The following FANCA variants were observed in gnomAD, a reference collection of about 807,000 sequenced individuals.
FANCA encodes Fanconi anemia group A protein.
In FANCA, 236 loss-of-function variants were observed where a neutral mutation model predicts 194.3. The observed-to-expected ratio is 1.21, with a 90% CI of 1.09 to 1.35. The LOEUF is 1.35. FANCA is among the 40% of genes most tolerant of loss of function. FANCA has a pLI of 0.00. For synonymous variants in FANCA, 1,014 were observed against 715.8 expected (o/e 1.42, Z -6.65); for missense variants, 2,628 against 1,813.9 (o/e 1.45, Z -8.15).
rs1382340096 is a variant in FANCA at position 89,740,810 on chromosome 16, G to A, written c.3822C>T (p.Thr1274=). The part of the protein sequence containing the change: ...SLMGLLSSHL[T]SNSTTDLPKA... ...CTGGTAAGGTCTGACTTACATTTGA[G>A]GTCAGATGTGACGACAGCAGGCCCA... Residue 1274 remains threonine (T), a synonymous_variant, in exon 38 of 43, where the codon ACC becomes ACT. Transcript: ENST00000389301. 4.4e-5 allele frequency: 71 copies of A among 1,613,182 alleles called. No individual in the cohort carries two copies. Among genetic ancestry groups the A allele is most frequent in the Non-Finnish European group, 5.7e-5 (67 of 1,179,556 alleles).
chr16:89,795,858 C>T (rs368910638), intron 11 of FANCA, 48 bp downstream of exon 11: 14 of 1,398,318 alleles, frequency 1.0e-5, no homozygotes, highest in Non-Finnish European at 1.2e-5. Context: ...AAGGCAACAG[C>T]AATCCCCAAA....
rs56659330 is a variant in FANCA, at chr16:89,761,420, G to GAAAA, written c.2852+525_2852+528dup. On this transcript the variant is annotated intron_variant, in intron 29 of 42. Transcript: ENST00000389301. ...GGTGACAGAGCAAGACTCTGTCTCA[G>GAAAA]AAAAAAAAAAAAAAAAAGAAAAACA... 1.0e-3 allele frequency among the ~76,000 whole-genome samples: 96 copies of GAAAA among 95,694 alleles called. No individual in the cohort carries two copies. The Admixed American group carries it at 0.01, about 10-fold the overall frequency. The allele number at this position is 95,694 out of a possible 152,430, so 62.8% of individuals were successfully genotyped here.
rs2143730844 is a variant in FANCA, at chr16:89,816,545, T to A, written c.71A>T (p.Glu24Val). Reference protein sequence around the residue: ...DPGGRRRAWAELLAGRVKREK... With the variant: ...DPGGRRRAWAVLLAGRVKREK... Reference sequence around the variant, plus strand: ...CTGCCGCGCCCACCTACCCAGCAGCTCGGCCCAGGCCCTCCGGCGGCCCCC... The same window carrying A: ...CTGCCGCGCCCACCTACCCAGCAGCACGGCCCAGGCCCTCCGGCGGCCCCC... The change falls in exon 1 of 43, where the codon GAG becomes GTG. Residue 24 changes from glutamate to valine, a missense_variant. By Grantham distance (121) the Glu-to-Val change is moderately radical. Transcript: ENST00000389301. The A allele has an allele frequency of 1.3e-6, 2 of 1,499,032 alleles. No individual in the cohort carries two copies. Among genetic ancestry groups the A allele is most frequent in the South Asian group, 2.5e-5 (2 of 80,666 alleles). The allele number at this position is 1,499,032 out of a possible 1,614,324, so 92.9% of individuals were successfully genotyped here. A position where few individuals can be genotyped will look rare whatever the true frequency, so the allele number is the denominator to read the frequency against.
At chr16:89,795,804 G>T in intron 11 of FANCA, 102 bp downstream of exon 11, 1 of 825,258 alleles carries the variant, frequency 1.2e-6, no homozygotes. Context: ...CGTAAAAGAG[G>T]TCCTAGAATT....
rs990224397 is a variant in FANCA, at chr16:89,785,048, G to A, written c.1360-84C>T. The A allele has an allele frequency of 3.6e-5, 35 of 974,360 alleles. 1 individual carries two copies. Among genetic ancestry groups the A allele is most frequent in the African/African-American group, 6.4e-5 (4 of 62,464 alleles). 60.4% of individuals were successfully genotyped at this position (974,360 alleles called of 1,614,324 possible). A position where few individuals can be genotyped will look rare whatever the true frequency, so the allele number is the denominator to read the frequency against. ...CAGTGTCCTGTGTGGAGAGAAGAGC[G>A]TGAAGCCCAGGACAGCCAGGCGCAG... On this transcript the variant is annotated intron_variant, in intron 14 of 42. Transcript: ENST00000389301.
chr16:89,779,721 C>A, intron 18 of FANCA, 148 bp downstream of exon 18: 2 of 736,202 alleles, frequency 2.7e-6, no homozygotes, highest in South Asian at 3.0e-5. Flanking sequence ...ATGGGACACA[C>A]TCCAAAGAGC....
intron 20 of FANCA, among the ~76,000 whole-genome samples, chr16:89,776,233 T>C (rs1598121974): frequency 6.9e-6 from 1 of 143,960 alleles, no homozygotes; most frequent in African/African-American, 2.5e-5. Flanking sequence ...AGTGGTGCGA[T>C]CTCGGCTCAC....
intron 8 of FANCA, among the ~76,000 whole-genome samples, chr16:89,800,088 G>A (rs1482511322): frequency 6.6e-6 from 1 of 152,252 alleles, no homozygotes; most frequent in Non-Finnish European, 1.5e-5. Flanking sequence ...GACCTAGACA[G>A]AGTGAAAAGG....
intron 2 of FANCA, 148 bp downstream of exon 2, chr16:89,815,729 A>G (rs1567658910): frequency 1.4e-6 from 1 of 723,850 alleles, no homozygotes. Context: ...GTTGGTCCAG[A>G]ACTCCCGGGC....
intron 40 of FANCA, 73 bp from the exon 41 acceptor site, chr16:89,739,362 C>G (rs1161524655): frequency 6.3e-7 from 1 of 1,599,022 alleles, no homozygotes; most frequent in African/African-American, 1.3e-5. Flanking sequence ...AGGGATACTG[C>G]TCATCTGTGG....
In FANCA at chr16:89,803,155, G is replaced by C. The variant is rs2040515644; in HGVS notation, c.792+104C>G. 7.2e-6 allele frequency: 8 copies of C among 1,109,800 alleles called. No homozygotes were observed. The Admixed American group carries it at 1.2e-4, about 16-fold the overall frequency. 68.7% of individuals were successfully genotyped at this position (1,109,800 alleles called of 1,614,324 possible). A position where few individuals can be genotyped will look rare whatever the true frequency, so the allele number is the denominator to read the frequency against. ...AAGTATCACATGTACCCCGTAAATA[G>C]GTACAAACAGCACGTTTCAATAGAG... is the stretch of plus-strand genomic sequence containing the variant. On this transcript the variant is annotated intron_variant, in intron 8 of 42. Coordinates refer to ENST00000389301, the MANE Select transcript of FANCA (RefSeq NM_000135.4).
At chr16:89,759,748 G>A (rs1052799403) in intron 29 of FANCA, among the ~76,000 whole-genome samples, 3 of 152,218 alleles carry the variant, frequency 2.0e-5, no homozygotes, top group African/African-American at 7.2e-5. Context: ...CCAACAGAGT[G>A]AGACCCTGTC....
chr16:89,816,049 A>T, intron 1 of FANCA, 63 bp from the exon 2 acceptor site: 1 of 1,281,756 alleles, frequency 7.8e-7, no homozygotes, highest in Non-Finnish European at 1.1e-6. Flanking sequence ...CCCCGGCCCG[A>T]CGCGCAGGTG....
Position 89,816,577 on chromosome 16 carries a change from C to A in FANCA, c.39G>T (p.Gln13His). 2.0e-6 allele frequency: 3 copies of A among 1,524,684 alleles called. No homozygotes were observed. The highest frequency in any genetic ancestry group is 2.6e-6 in the Non-Finnish European group (3 of 1,144,128). The allele number at this position is 1,524,684 out of a possible 1,614,324, so 94.4% of individuals were successfully genotyped here. The change falls in exon 1 of 43, where the codon CAG becomes CAT. Residue 13 changes from glutamine (Q) to histidine (H), a missense_variant. By Grantham distance (24) the Gln-to-His change is conservative (BLOSUM62 0). Coordinates refer to ENST00000389301, the MANE Select transcript of FANCA (RefSeq NM_000135.4). ...DSWVPNSASG[Q>H]DPGGRRRAWA... ...AGGCCCTCCGGCGGCCCCCTGGGTC[C>A]TGGCCCGAGGCGGAGTTCGGGACCC...
chr16:89,752,137 C>A lies in FANCA; in HGVS notation c.3066+1G>T, dbSNP rs587783028. The A allele has an allele frequency of 3.7e-6, 6 of 1,613,898 alleles. No individual in the cohort carries two copies. Among genetic ancestry groups the A allele is most frequent in the Non-Finnish European group, 4.2e-6 (5 of 1,179,802 alleles). ...CTGAGTTGTGGCACCCTCAAACTCA[C>A]CTGCAATCTGGAAATAATATCCTCA... On this transcript the variant is annotated splice_donor_variant, in intron 31 of 42. Transcript: ENST00000389301. LOFTEE classifies it high-confidence loss of function.
In FANCA at chr16:89,815,863, C is replaced by T. The variant is rs543001030; in HGVS notation, c.189+14G>A. ...CCTAAATCTGCCCGCAGACGGACAC[C>T]AGCTTCCTCTTACCTCAAGCAAAAG... On this transcript the variant is annotated intron_variant, in intron 2 of 42. Coordinates refer to ENST00000389301, the MANE Select transcript of FANCA (RefSeq NM_000135.4). 2 of 1,593,342 alleles carry T rather than the reference C, an allele frequency of 1.3e-6. No homozygotes were observed. The highest frequency in any genetic ancestry group is 3.3e-5 in the Admixed American group (2 of 59,994).
At chr16:89,814,081 A>C (rs1220727579) in intron 3 of FANCA, among the ~76,000 whole-genome samples, 2 of 152,212 alleles carry the variant, frequency 1.3e-5, no homozygotes, top group Non-Finnish European at 2.9e-5. Context: ...TCATCACATA[A>C]GGACGTGAAG....
At chr16:89,770,990 C>T (rs1191263717) in intron 23 of FANCA, among the ~76,000 whole-genome samples, 1 of 152,018 alleles carries the variant, frequency 6.6e-6, no homozygotes, top group African/African-American at 2.4e-5. Flanking sequence ...CATGATGAAA[C>T]CCTGTCTTTA....
chr16:89,815,377 C>G (rs1298518920), intron 2 of FANCA, among the ~76,000 whole-genome samples: 1 of 107,772 alleles, frequency 9.3e-6, no homozygotes, highest in Non-Finnish European at 1.7e-5. Context: ...GTGAGACAGT[C>G]TCACTCTGTA....
Sources: allele counts gnomAD v4.1 joint callset (sites outside exome capture counted in the v4.1 genomes callset), GRCh38; gene constraint gnomAD v4.1.1; transcripts MANE v1.5; gene names NCBI Gene and HGNC (gene_info 2026-07-23, HGNC 2026-07-21).